The following CD46 variants were observed in gnomAD, a reference collection of about 807,000 sequenced individuals.
CD46 encodes the protein CD46 molecule, also known as membrane cofactor protein.
CD46 carries 30 observed loss-of-function variants against 53.3 expected under a neutral mutation model. That is an observed-to-expected ratio of 0.56 (90% confidence interval 0.42 to 0.76). The LOEUF is 0.76. Among genes scored for constraint, CD46 ranks in the 30% least tolerant of loss-of-function variants. The pLI, the probability that CD46 is intolerant of heterozygous loss-of-function variation, is 0.00. For synonymous variants in CD46, 142 were observed against 152.0 expected (o/e 0.93, Z 0.48); for missense variants, 409 against 463.0 (o/e 0.88, Z 1.07).
chr1:207,763,297 G>A (rs1183095013), intron 5 of CD46: 1 of 152,416 alleles, frequency 6.6e-6, no homozygotes, highest in East Asian at 1.9e-4. Context: ...CAGGCGTGGA[G>A]TACGGGATCC....
intron 5 of CD46, 151 bp downstream of exon 5, chr1:207,761,597 T>C (rs1571596225): frequency 1.5e-6 from 1 of 683,716 alleles, no homozygotes; most frequent in Middle Eastern, 3.9e-4. Context: ...TCAATTCAAG[T>C]CAAAAAATAG....
rs1655017895 is a variant in CD46 at position 207,752,358 on chromosome 1, C to T, written c.97+49C>T. The T allele has an allele frequency of 6.4e-7, 1 of 1,554,644 alleles. No homozygotes were observed. Among genetic ancestry groups the T allele is most frequent in the Non-Finnish European group, 8.9e-7 (1 of 1,126,940 alleles). ...GCGTCCGCGGCGAGACTAGAGCTCT[C>T]CTCAGTCGGGCAAGAGTCGCGGGGC... On this transcript the variant is annotated intron_variant, in intron 1 of 12. Transcript: ENST00000367042. This position sits in a 1 kb window ranked among gnomAD's most constrained non-coding sequence, Gnocchi z 4.1.
chr1:207,782,974 T>TAAAATTAAAATTAAAATTTAAATTTAA (rs1442992697), intron 8 of CD46, among the ~76,000 whole-genome samples: 2 of 152,090 alleles, frequency 1.3e-5, no homozygotes, highest in Non-Finnish European at 2.9e-5. Flanking sequence ...CTTTTAATTT[T>TAAAATTAAAATTAAAATTTAAATTTAA]AATTAGAATC....
At chr1:207,785,047 T>A in intron 9 of CD46, 24 bp from the exon 10 acceptor site, 1 of 1,602,600 alleles carries the variant, frequency 6.2e-7, no homozygotes. Flanking sequence ...GTGTTCAACA[T>A]CTTGGAACTG....
In CD46 at chr1:207,785,658, A is replaced by G; in HGVS notation, c.1058A>G (p.Tyr353Cys). Residue 353 changes from tyrosine to cysteine, a missense_variant, in exon 11 of 13, where the codon TAT becomes TGT. Physicochemically the swap from Tyr to Cys is radical, Grantham distance 194. Coordinates refer to ENST00000367042, the MANE Select transcript of CD46 (RefSeq NM_172351.3). ...VAVICVVPYR[Y>C]LQRRKKKGTY... ...GTAATTTGTGTTGTCCCGTACAGAT[A>G]TCTTCAAAGGAGGAAGAAGAAAGGG... 2 of 1,610,626 alleles carry G rather than the reference A, an allele frequency of 1.2e-6. No homozygotes were observed. The highest frequency in any genetic ancestry group is 1.7e-6 in the Non-Finnish European group (2 of 1,176,974).
At chr1:207,791,976 T>A (rs1659835795) in intron 12 of CD46, among the ~76,000 whole-genome samples, 1 of 152,128 alleles carries the variant, frequency 6.6e-6, no homozygotes, top group African/African-American at 2.4e-5. Flanking sequence ...GGGAAAAAAA[T>A]ATTTACTTAG....
intron 8 of CD46, among the ~76,000 whole-genome samples, chr1:207,771,034 C>G (rs1273900049): frequency 6.6e-6 from 1 of 152,178 alleles, no homozygotes; most frequent in African/African-American, 2.4e-5. Flanking sequence ...TAAAAGTGTT[C>G]CTGTTTCTCC....
At chr1:207,793,479 A>G (rs1163218856) in intron 12 of CD46, 40 bp from the exon 13 acceptor site, 2 of 1,459,762 alleles carry the variant, frequency 1.4e-6, no homozygotes, top group Admixed American at 1.7e-5. Flanking sequence ...GTACTTAATT[A>G]TATTTATCTT....
At chr1:207,783,093 T>C (rs1658933419) in intron 8 of CD46, among the ~76,000 whole-genome samples, 199 bp from the exon 9 acceptor site, 1 of 152,130 alleles carries the variant, frequency 6.6e-6, no homozygotes, top group Non-Finnish European at 1.5e-5. Context: ...AGAAAGATTA[T>C]GACATTAAAT....
intron 8 of CD46, among the ~76,000 whole-genome samples, chr1:207,778,364 A>G (rs951759070): frequency 4.6e-5 from 7 of 151,550 alleles, no homozygotes; most frequent in Non-Finnish European, 8.9e-5. Flanking sequence ...TTTGTCTGTT[A>G]TTATGTCCAG....
chr1:207,787,853 ATCTT>A (rs1659412363), intron 11 of CD46, among the ~76,000 whole-genome samples: 1 of 152,136 alleles, frequency 6.6e-6, no homozygotes, highest in Admixed American at 6.5e-5. Flanking sequence ...AGGGTGGTTT[ATCTT>A]TCTTCTTCAG....
At chr1:207,787,616 G>A (rs1166327345) in intron 11 of CD46, among the ~76,000 whole-genome samples, 2 of 152,098 alleles carry the variant, frequency 1.3e-5, no homozygotes, top group Admixed American at 1.3e-4. Context: ...CACAACTTGA[G>A]GAAAAATAGT....
chr1:207,785,310 C>G (rs1659173346), intron 10 of CD46, among the ~76,000 whole-genome samples: 1 of 152,138 alleles, frequency 6.6e-6, no homozygotes, highest in African/African-American at 2.4e-5. Flanking sequence ...TGTATATCTA[C>G]TTAGTAACAA....
At chr1:207,768,016 A>G (rs1657058749) in intron 7 of CD46, 193 bp downstream of exon 7, 1 of 583,576 alleles carries the variant, frequency 1.7e-6, no homozygotes, top group Non-Finnish European at 3.0e-6. Context: ...ATAAACAGGA[A>G]TATGACCTTG....
At chr1:207,771,687 G>A (rs562961544) in intron 8 of CD46, among the ~76,000 whole-genome samples, 22 of 152,256 alleles carry the variant, frequency 1.4e-4, no homozygotes, top group Non-Finnish European at 2.8e-4. Flanking sequence ...TGTCAGGTTT[G>A]TCAAAGATCA....
chr1:207,779,540 A>G (rs1658486851), intron 8 of CD46, among the ~76,000 whole-genome samples: 1 of 152,142 alleles, frequency 6.6e-6, no homozygotes, highest in African/African-American at 2.4e-5. Context: ...TTTTATATTA[A>G]TAGGTAGTTG....
chr1:207,756,588 A>G lies in CD46; in HGVS notation c.98-426A>G, dbSNP rs546942993. Reference sequence around the variant, plus strand: ...CCAGGAACTTGCCTTTTAAGAGAAGACACCCTGAAGTGACAAGCTGTTATA... The same window carrying G: ...CCAGGAACTTGCCTTTTAAGAGAAGGCACCCTGAAGTGACAAGCTGTTATA... On this transcript the variant is annotated intron_variant, in intron 1 of 12. Coordinates refer to ENST00000367042, the MANE Select transcript of CD46 (RefSeq NM_172351.3). Among the ~76,000 whole-genome samples the G allele has an allele frequency of 7.2e-5, 11 of 152,318 alleles. No homozygotes were observed. In the South Asian group the frequency reaches 2.3e-3, roughly 32 times the overall value.
chr1:207,759,546 T>G, intron 3 of CD46, 93 bp from the exon 4 acceptor site: 1 of 718,494 alleles, frequency 1.4e-6, no homozygotes, highest in Non-Finnish European at 2.5e-6. Flanking sequence ...ACTACTGTAG[T>G]GTAGAAAAGA....
chr1:207,766,250 C>T (rs938566188), intron 5 of CD46, among the ~76,000 whole-genome samples: 4 of 152,084 alleles, frequency 2.6e-5, no homozygotes, highest in African/African-American at 9.7e-5. Context: ...TTGCATTTGT[C>T]AAAACTGATA....
Sources: allele counts gnomAD v4.1 joint callset (sites outside exome capture counted in the v4.1 genomes callset), GRCh38; gene constraint gnomAD v4.1.1; non-coding constraint Gnocchi (gnomAD v3.1); transcripts MANE v1.5; gene names NCBI Gene and HGNC (gene_info 2026-07-23, HGNC 2026-07-21).